FOXR1: variants seen among roughly 807,000 people sequenced by gnomAD.
FOXR1 encodes forkhead box protein R1.
FOXR1 carries 25 observed loss-of-function variants against 34.5 expected under a neutral mutation model. The observed-to-expected ratio is 0.72, with a 90% CI of 0.53 to 1.01. The LOEUF is 1.01. FOXR1 is among the 50% of genes least tolerant of loss of function. The probability of loss-of-function intolerance (pLI) is 0.00; values close to 1 mark genes in which losing one functional copy is unlikely to be tolerated. For missense variants in FOXR1, 373 were observed against 376.2 expected, an observed-to-expected ratio of 0.99 and a Z score of 0.07; for synonymous variants, 153 against 141.6, an observed-to-expected ratio of 1.08 and a Z score of -0.57.
chr11:118,972,456 T>A (rs1161433974), intron 1 of FOXR1, among the ~76,000 whole-genome samples: 1 of 152,076 alleles, frequency 6.6e-6, no homozygotes, highest in Non-Finnish European at 1.5e-5. Context: ...ACATATTGCC[T>A]GACACCTACA....
rs749836431 is a variant in FOXR1, at chr11:118,979,546, C to G, written c.489C>G (p.Ala163=). 1.3e-4 allele frequency: 212 copies of G among 1,613,578 alleles called. No homozygotes were observed. The highest frequency in any genetic ancestry group is 2.5e-4 in the Admixed American group (15 of 59,924). The stretch of plus-strand genomic sequence containing the variant: ...TCCAGAGTCGGAGGCTTCGGCAAGC[C>G]AGCAGCCAGGCGGGGAGGCTCTGGT... The part of the protein sequence containing the change: ...APLQSRRLRQ[A]SSQAGRLWSR... Residue 163 remains alanine (A), a synonymous_variant, in exon 4 of 6, where the codon GCC becomes GCG. Coordinates refer to ENST00000317011, the MANE Select transcript of FOXR1 (RefSeq NM_181721.3).
At position 118,978,966 on chromosome 11, in the gene FOXR1, A is replaced by G; in HGVS notation, c.146A>G (p.Tyr49Cys). 2 of 1,607,512 alleles carry G rather than the reference A, an allele frequency of 1.2e-6. No individual in the cohort carries two copies. Among genetic ancestry groups the G allele is most frequent in the Non-Finnish European group, 1.7e-6 (2 of 1,175,830 alleles). ...CTTTTGTTCTGCACAGGTCCAGATT[A>G]TGAGCCCAACCTCTGGATGTGGGTA... Reference protein sequence around the residue: ...KPNPDKDGPDYEPNLWMWVNP... With the variant: ...KPNPDKDGPDCEPNLWMWVNP... Residue 49 changes from tyrosine to cysteine, a missense_variant, in exon 3 of 6, where the codon TAT (tyrosine) becomes TGT (cysteine). Coordinates refer to ENST00000317011, the MANE Select transcript of FOXR1 (RefSeq NM_181721.3).
chr11:118,973,633 T>C (rs1334452674), intron 1 of FOXR1, among the ~76,000 whole-genome samples: 1 of 151,684 alleles, frequency 6.6e-6, no homozygotes, highest in Non-Finnish European at 1.5e-5. Context: ...TTCCTGACCA[T>C]GATCCGCCGT....
intron 1 of FOXR1, among the ~76,000 whole-genome samples, chr11:118,973,697 C>CTT (rs33940358): frequency 0.26 from 35,762 of 136,954 alleles, 5,509 homozygotes; most frequent in Admixed American, 0.38. Context: ...ACCCGGCCTT[C>CTT]TTTTTTTTTT....
intron 1 of FOXR1, among the ~76,000 whole-genome samples, chr11:118,976,376 A>AT (rs942068061): frequency 2.0e-5 from 3 of 152,092 alleles, no homozygotes; most frequent in Non-Finnish European, 4.4e-5. Context: ...TTATCTTTGT[A>AT]TTTTTTATAG....
intron 1 of FOXR1, among the ~76,000 whole-genome samples, chr11:118,974,963 A>G (rs1246288627): frequency 6.6e-6 from 1 of 152,150 alleles, no homozygotes; most frequent in Admixed American, 6.5e-5. Flanking sequence ...ACATCCAAGT[A>G]GAAGCATTGA....
chr11:118,978,347 C>T (rs1447703039), intron 1 of FOXR1, among the ~76,000 whole-genome samples: 2 of 152,004 alleles, frequency 1.3e-5, no homozygotes, highest in African/African-American at 4.8e-5. Context: ...AGAGCAAGAC[C>T]CTGTCTCAAA....
Position 118,979,073 on chromosome 11 carries a change from T to G in FOXR1, c.253T>G (p.Ser85Ala). 6.2e-7 allele frequency: 1 copy of G among 1,606,468 alleles called. No individual in the cohort carries two copies. Among genetic ancestry groups the G allele is most frequent in the Non-Finnish European group, 8.5e-7 (1 of 1,176,600 alleles). Residue 85 changes from serine to alanine, a missense_variant, in exon 3 of 6, where the codon TCC becomes GCC. Coordinates refer to ENST00000317011, the MANE Select transcript of FOXR1 (RefSeq NM_181721.3). Reference sequence around the variant, plus strand: ...GGAGGACCTGACAAGCACACTCCCCTCCTCTCAGCCACCCCAGAAGGAGGA... The same window carrying G: ...GGAGGACCTGACAAGCACACTCCCCGCCTCTCAGCCACCCCAGAAGGAGGA... ...KREDLTSTLP[S>A]SQPPQKEEDA...
At chr11:118,974,723 T>C (rs889190824) in intron 1 of FOXR1, among the ~76,000 whole-genome samples, 1 of 152,136 alleles carries the variant, frequency 6.6e-6, no homozygotes, top group African/African-American at 2.4e-5. Flanking sequence ...GAGGCTGCAG[T>C]AGTAATCCAG....
chr11:118,980,741 G>C lies in FOXR1; in HGVS notation c.850+13G>C, dbSNP rs1204686839. Reference sequence around the variant, plus strand: ...ATGAGCCAGCCAGGTGTGAAGACTTGTTGTGCGTGGGCCCAAGGGGAAGAG... The same window carrying C: ...ATGAGCCAGCCAGGTGTGAAGACTTCTTGTGCGTGGGCCCAAGGGGAAGAG... On this transcript the variant is annotated intron_variant, in intron 5 of 5. Coordinates refer to ENST00000317011, the MANE Select transcript of FOXR1 (RefSeq NM_181721.3). 2 of 1,604,516 alleles carry C rather than the reference G, an allele frequency of 1.2e-6. No individual in the cohort carries two copies. The highest frequency in any genetic ancestry group is 8.5e-7 in the Non-Finnish European group (1 of 1,176,168).
In FOXR1 at chr11:118,971,834, C is replaced by T. The variant is rs1357931191; in HGVS notation, c.-98C>T. On this transcript the variant is annotated 5_prime_UTR_variant, in exon 1 of 6. Coordinates refer to ENST00000317011, the MANE Select transcript of FOXR1 (RefSeq NM_181721.3). ...CACTCCGCGTCCCCACTCCGCGCCG[C>T]CGCGCCTCTGCCAGCCCCGAAGGTG... 2.2e-6 allele frequency: 3 copies of T among 1,366,986 alleles called. No individual in the cohort carries two copies. The highest frequency in any genetic ancestry group is 3.0e-6 in the Non-Finnish European group (3 of 985,364). The allele number at this position is 1,366,986 out of a possible 1,614,324, so 84.7% of individuals were successfully genotyped here.
At chr11:118,978,688 A>G (rs1941807650) in intron 1 of FOXR1, 94 bp from the exon 2 acceptor site, 2 of 1,351,228 alleles carry the variant, frequency 1.5e-6, no homozygotes, top group Non-Finnish European at 2.1e-6. Flanking sequence ...AGGGCCCACA[A>G]CCTTCTCCCA....
intron 3 of FOXR1, 43 bp downstream of exon 3, chr11:118,979,247 G>C (rs1024339047): frequency 4.0e-6 from 6 of 1,506,192 alleles, no homozygotes; most frequent in Non-Finnish European, 5.3e-6. Flanking sequence ...GGCAGTAGGC[G>C]AGGGGCATGG....
chr11:118,972,605 G>A (rs1941725497), intron 1 of FOXR1, among the ~76,000 whole-genome samples: 1 of 136,454 alleles, frequency 7.3e-6, no homozygotes, highest in Admixed American at 8.2e-5. Context: ...AAGACCCTTG[G>A]ATTAACTCTT....
In FOXR1 at chr11:118,979,468, C is replaced by T; in HGVS notation, c.411C>T (p.Asp137=). The stretch of plus-strand genomic sequence containing the variant: ...TCACAGAAGAGGAGGAGGCTGAGGA[C>T]CAGGAAGACAGCTCCTCTATGGCTC... ...WELTEEEEAE[D]QEDSSSMALP... Residue 137 remains aspartate (D), a synonymous_variant, in exon 4 of 6, where the codon GAC becomes GAT. Coordinates refer to ENST00000317011, the MANE Select transcript of FOXR1 (RefSeq NM_181721.3). 1.9e-6 allele frequency: 3 copies of T among 1,610,618 alleles called. No individual in the cohort carries two copies. The East Asian group carries it at 6.7e-5, about 36-fold the overall frequency.
At chr11:118,972,728 T>A (rs772028207) in intron 1 of FOXR1, among the ~76,000 whole-genome samples, 25 of 151,974 alleles carry the variant, frequency 1.6e-4, no homozygotes, top group Non-Finnish European at 3.5e-4. Context: ...GTTCAAACGA[T>A]TCTCCCGCCC....
rs1941848750 is a variant in FOXR1, at chr11:118,980,666, A to G, written c.788A>G (p.Glu263Gly). 1 of 1,613,522 alleles carries G rather than the reference A, an allele frequency of 6.2e-7. No individual in the cohort carries two copies. Among genetic ancestry groups the G allele is most frequent in the African/African-American group, 1.3e-5 (1 of 74,940 alleles). Residue 263 changes from glutamate to glycine, a missense_variant, in exon 5 of 6, where the codon GAG becomes GGG. Glu to Gly is a moderately conservative substitution (Grantham distance 98). Coordinates refer to ENST00000317011, the MANE Select transcript of FOXR1 (RefSeq NM_181721.3). Reference protein sequence around the residue: ...LTEEGHRRFAEEARALASTRL... With the variant: ...LTEEGHRRFAGEARALASTRL... ...GAGGAGGGACACCGCCGCTTTGCGG[A>G]GGAGGCCCGCGCCTTGGCTTCCACT...
Position 118,974,309 on chromosome 11 carries a change from A to G in FOXR1, c.61+2317A>G, listed in dbSNP as rs1051781971. 3.3e-5 allele frequency among the ~76,000 whole-genome samples: 5 copies of G among 152,168 alleles called. No homozygotes were observed. In the South Asian group the frequency reaches 6.2e-4, roughly 19 times the overall value. On this transcript the variant is annotated intron_variant, in intron 1 of 5. Transcript: ENST00000317011. ...GCACAATTACCTCCAGGCTCAAGCAATGCTCCCACCTCAGTCCCCAAAGTA... is the reference window on the plus strand; with the variant it reads ...GCACAATTACCTCCAGGCTCAAGCAGTGCTCCCACCTCAGTCCCCAAAGTA...
chr11:118,978,656 A>G, intron 1 of FOXR1, 126 bp from the exon 2 acceptor site: 1 of 911,558 alleles, frequency 1.1e-6, no homozygotes, highest in Non-Finnish European at 1.8e-6. Context: ...TAGAAGTAGA[A>G]TGTGATGTTA....
Sources: allele counts gnomAD v4.1 joint callset (sites outside exome capture counted in the v4.1 genomes callset), GRCh38; gene constraint gnomAD v4.1.1; transcripts MANE v1.5; gene names NCBI Gene and HGNC (gene_info 2026-07-23, HGNC 2026-07-21).